Variants in FAM133B observed in about 807,000 individuals in gnomAD.
FAM133B encodes the protein protein FAM133B.
FAM133B carries 25 observed loss-of-function variants against 46.4 expected under a neutral mutation model. That is an observed-to-expected ratio of 0.54 (90% confidence interval 0.39 to 0.75). FAM133B has a LOEUF of 0.75. FAM133B is among the 30% of genes least tolerant of loss of function. The pLI, the probability that FAM133B is intolerant of heterozygous loss-of-function variation, is 0.00. For missense variants in FAM133B, 205 were observed against 277.6 expected (o/e 0.74, Z 1.86); for synonymous variants, 75 against 86.0 (o/e 0.87, Z 0.71).
At chr7:92,580,242 TA>T (rs61400606) in intron 2 of FAM133B, among the ~76,000 whole-genome samples, 23,901 of 126,506 alleles carry the variant, frequency 0.19, 2,112 homozygotes, top group African/African-American at 0.26. Context: ...TCCAGCTAAT[TA>T]AAAAAAAAAA....
At chr7:92,586,250 T>C (rs918714118) in intron 1 of FAM133B, among the ~76,000 whole-genome samples, 13 of 152,246 alleles carry the variant, frequency 8.5e-5, no homozygotes, top group East Asian at 5.8e-4. Flanking sequence ...AATATCTCCA[T>C]TGTTTATTTC....
intron 8 of FAM133B, among the ~76,000 whole-genome samples, chr7:92,574,911 C>CAA (rs5885810): frequency 0.034 from 3,733 of 110,348 alleles, 54 homozygotes; most frequent in Middle Eastern, 0.071. Context: ...GACTCCGTCT[C>CAA]AAAAAAAAAA....
rs1377124521 is a variant in FAM133B, at chr7:92,577,124, T to C, written c.444A>G (p.Ser148=). 1.8e-5 allele frequency: 27 copies of C among 1,493,014 alleles called. No individual in the cohort carries two copies. In the East Asian group the frequency reaches 6.9e-4, roughly 38 times the overall value. The allele number at this position is 1,493,014 out of a possible 1,614,324, so 92.5% of individuals were successfully genotyped here. The part of the protein sequence containing the change: ...RSHKSSESSM[S]ETESDSKDSL... ...TTACCTTACTGTCTGATTCAGTTTC[T>C]GACATGGAGCTTTCAGAAGATTTAT... is the stretch of plus-strand genomic sequence containing the variant. The change falls in exon 7 of 11, where the codon TCA becomes TCG. Residue 148 remains serine, a synonymous_variant. Transcript: ENST00000445716.
intron 8 of FAM133B, 133 bp downstream of exon 8, chr7:92,575,638 G>C (rs1405089854): frequency 2.3e-6 from 1 of 439,698 alleles, no homozygotes; most frequent in African/African-American, 2.0e-5. Flanking sequence ...ATTAAAAATT[G>C]CTTTAAATTG....
intron 9 of FAM133B, 150 bp from the exon 10 acceptor site, chr7:92,566,211 T>C (rs995654371): frequency 2.2e-5 from 15 of 690,144 alleles, no homozygotes; most frequent in Middle Eastern, 7.9e-4. Flanking sequence ...ACTCCTGTTA[T>C]ATCTCAATGA....
At chr7:92,567,358 C>T (rs1378594782) in intron 9 of FAM133B, among the ~76,000 whole-genome samples, 2 of 152,210 alleles carry the variant, frequency 1.3e-5, no homozygotes, top group Non-Finnish European at 2.9e-5. Flanking sequence ...TAATACATTA[C>T]ATACAAAACA....
chr7:92,585,978 C>T (rs1450588079), intron 1 of FAM133B, among the ~76,000 whole-genome samples: 1 of 152,112 alleles, frequency 6.6e-6, no homozygotes, highest in Non-Finnish European at 1.5e-5. Context: ...AAAATTATAA[C>T]ATTTACCATG....
At chr7:92,578,104 T>C (rs747783249) in intron 5 of FAM133B, 46 bp downstream of exon 5, 3 of 1,516,018 alleles carry the variant, frequency 2.0e-6, no homozygotes, top group Non-Finnish European at 9.1e-7. Flanking sequence ...CTTTTTTTGT[T>C]GGCTCTTAAT....
intron 8 of FAM133B, among the ~76,000 whole-genome samples, chr7:92,570,402 G>T (rs1476668025): frequency 6.6e-6 from 1 of 152,024 alleles, no homozygotes; most frequent in Non-Finnish European, 1.5e-5. Context: ...TATTTTTAAT[G>T]TTGAAAAAGT....
intron 8 of FAM133B, among the ~76,000 whole-genome samples, chr7:92,570,692 CT>C (rs1189437107): frequency 1.3e-5 from 2 of 152,182 alleles, no homozygotes; most frequent in East Asian, 3.9e-4. Context: ...GAATGTACAA[CT>C]TTTTATATAG....
intron 1 of FAM133B, chr7:92,590,044 T>G (rs1585321413): frequency 1.6e-6 from 1 of 608,354 alleles, no homozygotes; most frequent in Non-Finnish European, 2.8e-6. Flanking sequence ...AGCGACGAGG[T>G]GAGGGAAGAA....
Position 92,583,763 on chromosome 7 carries a change from G to T in FAM133B, c.25-2160C>A, listed in dbSNP as rs1008937875. 2.4e-4 allele frequency among the ~76,000 whole-genome samples: 36 copies of T among 151,658 alleles called. 1 individual carries two copies. Among genetic ancestry groups the T allele is most frequent in the Non-Finnish European group, 7.4e-5 (5 of 67,938 alleles). On this transcript the variant is annotated intron_variant, in intron 1 of 10. Coordinates refer to ENST00000445716, the MANE Select transcript of FAM133B (RefSeq NM_152789.4). ...ACTATTATTATTTTTTAAAAGACAG[G>T]GTCAGCCAGGCGCGGTGGCTCACGC...
intron 1 of FAM133B, among the ~76,000 whole-genome samples, chr7:92,583,777 G>A (rs897782486): frequency 1.3e-5 from 2 of 151,786 alleles, no homozygotes; most frequent in Admixed American, 6.6e-5. Context: ...AGCCAGGCGC[G>A]GTGGCTCACG....
intron 9 of FAM133B, 145 bp from the exon 10 acceptor site, chr7:92,566,206 T>C: frequency 1.4e-6 from 1 of 705,210 alleles, no homozygotes; most frequent in Non-Finnish European, 2.4e-6. Context: ...AAATAACTCC[T>C]GTTATATCTC....
chr7:92,578,471 T>G, intron 3 of FAM133B, 78 bp from the exon 4 acceptor site: 2 of 1,234,126 alleles, frequency 1.6e-6, no homozygotes, highest in Non-Finnish European at 2.3e-6. Flanking sequence ...AGCCACTGCT[T>G]CCTTCCCTCC....
At chr7:92,590,156 C>G (rs4141274) in intron 1 of FAM133B, 112 bp downstream of exon 1, 54,184 of 1,548,022 alleles carry the variant, frequency 0.035, 3,274 homozygotes, top group East Asian at 0.31. Flanking sequence ...CTCCAGGCCC[C>G]ACGTCTGAGG....
chr7:92,584,047 CAAA>C (rs765172200), intron 1 of FAM133B, among the ~76,000 whole-genome samples: 144 of 36,810 alleles, frequency 3.9e-3, no homozygotes, highest in African/African-American at 0.013. Flanking sequence ...AAGACTGTCT[CAAA>C]AAAAAAAAAA....
Position 92,573,901 on chromosome 7 carries a change from C to T in FAM133B, c.516+1870G>A, listed in dbSNP as rs368855259. Among the ~76,000 whole-genome samples the T allele has an allele frequency of 2.0e-5, 3 of 151,650 alleles. No individual in the cohort carries two copies. In the East Asian group the frequency reaches 5.8e-4, roughly 29 times the overall value. ...TTTTATTTTTTTTTAAATTTAGATGCAGGGTCTCACTCTCTCTCCCAGGAT... is the reference window on the plus strand; with the variant it reads ...TTTTATTTTTTTTTAAATTTAGATGTAGGGTCTCACTCTCTCTCCCAGGAT... On this transcript the variant is annotated intron_variant, in intron 8 of 10. Coordinates refer to ENST00000445716, the MANE Select transcript of FAM133B (RefSeq NM_152789.4).
At chr7:92,568,213 C>T (rs1047837280) in intron 9 of FAM133B, among the ~76,000 whole-genome samples, 1 of 152,164 alleles carries the variant, frequency 6.6e-6, no homozygotes, top group African/African-American at 2.4e-5. Flanking sequence ...CCACAAGAGG[C>T]TGAGCCACTG....
Sources: gnomAD v4.1 joint callset for allele counts (sites outside exome capture counted in the v4.1 genomes callset) on GRCh38, gnomAD v4.1.1 for gene constraint, MANE v1.5 for transcripts, NCBI Gene and HGNC (gene_info 2026-07-23, HGNC 2026-07-21) for gene names.